MARCHF1: variants seen among roughly 807,000 people sequenced by gnomAD.
MARCHF1 encodes membrane associated ring-CH-type finger 1.
In MARCHF1, 40 loss-of-function variants were observed where a neutral mutation model predicts 54.2. The observed-to-expected ratio is 0.74, with a 90% CI of 0.57 to 0.96. The LOEUF is 0.96. MARCHF1 is among the 40% of genes least tolerant of loss of function. The probability of loss-of-function intolerance (pLI) is 0.00; values close to 1 mark genes in which losing one functional copy is unlikely to be tolerated. For synonymous variants in MARCHF1, 236 were observed against 236.3 expected (o/e 1.00, Z 0.01); for missense variants, 586 against 656.5 (o/e 0.89, Z 1.17).
chr4:164,229,566 G>A (rs112775920), intron 1 of MARCHF1, among the ~76,000 whole-genome samples: 188 of 152,288 alleles, frequency 1.2e-3, no homozygotes, highest in African/African-American at 4.3e-3. Flanking sequence ...CTGCAGGTGA[G>A]TTAGTCCTTT....
At chr4:164,078,194 T>C (rs908102952) in intron 2 of MARCHF1, among the ~76,000 whole-genome samples, 1 of 152,176 alleles carries the variant, frequency 6.6e-6, no homozygotes, top group African/African-American at 2.4e-5. Context: ...TGGAATACTA[T>C]GCAGCCATAA....
chr4:163,918,106 G>T (rs1034543659), intron 3 of MARCHF1, among the ~76,000 whole-genome samples: 1 of 152,078 alleles, frequency 6.6e-6, no homozygotes, highest in African/African-American at 2.4e-5. Flanking sequence ...TCAATTTTCT[G>T]TATATGGCTA....
At chr4:163,818,977 T>C (rs757617916) in intron 4 of MARCHF1, among the ~76,000 whole-genome samples, 3 of 152,122 alleles carry the variant, frequency 2.0e-5, no homozygotes, top group Non-Finnish European at 4.4e-5. Context: ...ACGGTCTTCT[T>C]TTCTAACCCA....
intron 1 of MARCHF1, among the ~76,000 whole-genome samples, chr4:164,207,979 GA>G (rs994511246): frequency 2.0e-5 from 3 of 151,512 alleles, no homozygotes; most frequent in Non-Finnish European, 4.4e-5. Context: ...AATAAAAGTT[GA>G]AAAAAAACCA....
intron 2 of MARCHF1, among the ~76,000 whole-genome samples, chr4:164,099,579 A>C (rs894857890): frequency 6.6e-6 from 1 of 152,204 alleles, no homozygotes; most frequent in Non-Finnish European, 1.5e-5. Flanking sequence ...AAAGCAATGA[A>C]GCATAAAACT....
chr4:163,625,853 A>G (rs1459866201), intron 5 of MARCHF1, among the ~76,000 whole-genome samples: 2 of 152,192 alleles, frequency 1.3e-5, no homozygotes, highest in African/African-American at 2.4e-5. Context: ...GGGTCTTTTT[A>G]AAAAGAAAAC....
At chr4:163,599,990 T>A (rs1382876911) in intron 7 of MARCHF1, among the ~76,000 whole-genome samples, 2 of 152,196 alleles carry the variant, frequency 1.3e-5, no homozygotes, top group Non-Finnish European at 2.9e-5. Flanking sequence ...AGGACCAATG[T>A]CCTATATTTT....
intron 2 of MARCHF1, among the ~76,000 whole-genome samples, chr4:164,067,946 A>G (rs1203909145): frequency 1.3e-5 from 2 of 152,148 alleles, no homozygotes; most frequent in African/African-American, 4.8e-5. Flanking sequence ...AAGACATATG[A>G]GCAGCCTAAA....
intron 3 of MARCHF1, among the ~76,000 whole-genome samples, chr4:163,910,851 T>C (rs2111333850): frequency 6.6e-6 from 1 of 152,330 alleles, no homozygotes; most frequent in East Asian, 1.9e-4. Flanking sequence ...AAAAGACAGT[T>C]TGAGTTACCA....
intron 5 of MARCHF1, among the ~76,000 whole-genome samples, chr4:163,670,061 C>G (rs1010401126): frequency 6.6e-6 from 1 of 150,854 alleles, no homozygotes; most frequent in African/African-American, 2.4e-5. Flanking sequence ...AAGCCACCAT[C>G]AGTGACTTCT....
intron 5 of MARCHF1, among the ~76,000 whole-genome samples, chr4:163,694,199 C>T (rs965407158): frequency 9.2e-5 from 14 of 151,512 alleles, no homozygotes; most frequent in African/African-American, 2.9e-4. Flanking sequence ...ATCTGGGTGG[C>T]TCAAAGGATG....
At chr4:163,644,876 C>T (rs560710059) in intron 5 of MARCHF1, among the ~76,000 whole-genome samples, 12 of 152,172 alleles carry the variant, frequency 7.9e-5, no homozygotes, top group African/African-American at 2.4e-4. Flanking sequence ...GCTCCAGTCC[C>T]TGTAAACTGT....
chr4:163,631,280 C>G (rs1168924125), intron 5 of MARCHF1, among the ~76,000 whole-genome samples: 1 of 150,096 alleles, frequency 6.7e-6, no homozygotes, highest in Non-Finnish European at 1.5e-5. Context: ...GCAACCTCTG[C>G]CTCACAGATT....
chr4:163,853,131 A>G (rs1035239001), intron 4 of MARCHF1, among the ~76,000 whole-genome samples: 1 of 152,204 alleles, frequency 6.6e-6, no homozygotes, highest in East Asian at 1.9e-4. Context: ...GTATTTTGTA[A>G]TAGCAGCCCA....
At chr4:163,711,302 GA>G (rs1249943310) in intron 4 of MARCHF1, among the ~76,000 whole-genome samples, 1 of 152,142 alleles carries the variant, frequency 6.6e-6, no homozygotes, top group African/African-American at 2.4e-5. Flanking sequence ...TGAGTTTTAA[GA>G]TCTTTATTTT....
intron 1 of MARCHF1, among the ~76,000 whole-genome samples, chr4:164,202,753 T>C: frequency 6.6e-6 from 1 of 152,226 alleles, no homozygotes; most frequent in African/African-American, 2.4e-5. Flanking sequence ...AGTTCTCGAA[T>C]ATTTCCTACT....
At chr4:164,160,194 T>C (rs1167286439) in intron 1 of MARCHF1, among the ~76,000 whole-genome samples, 1 of 152,206 alleles carries the variant, frequency 6.6e-6, no homozygotes, top group African/African-American at 2.4e-5. Flanking sequence ...GGGGATATGT[T>C]CTGAGAAATG....
chr4:163,927,261 C>A (rs796215712), intron 3 of MARCHF1, among the ~76,000 whole-genome samples: 68 of 151,814 alleles, frequency 4.5e-4, no homozygotes, highest in African/African-American at 1.6e-3. Flanking sequence ...CAGATGACTA[C>A]AAATAAGACA....
At chr4:163,911,071 G>GT (rs1389645933) in intron 3 of MARCHF1, among the ~76,000 whole-genome samples, 6 of 151,998 alleles carry the variant, frequency 3.9e-5, no homozygotes, top group African/African-American at 1.2e-4. Context: ...TTTAAATTCT[G>GT]TTTTTTTCTT....
Sources: allele counts gnomAD v4.1 joint callset (sites outside exome capture counted in the v4.1 genomes callset), GRCh38; gene constraint gnomAD v4.1.1; transcripts MANE v1.5; gene names NCBI Gene and HGNC (gene_info 2026-07-23, HGNC 2026-07-21).